Variants in GABRG3 observed in about 807,000 individuals in gnomAD.
The protein encoded by GABRG3 is gamma-aminobutyric acid receptor subunit gamma-3.
Under a neutral mutation model 48.8 loss-of-function variants are expected in GABRG3, and 25 were observed. The observed-to-expected ratio is 0.51, with a 90% confidence interval of 0.37 to 0.72. The LOEUF is 0.72. GABRG3 is among the 30% of genes least tolerant of loss of function. GABRG3 has a pLI of 0.00. For missense variants in GABRG3, 394 were observed against 577.9 expected, an observed-to-expected ratio of 0.68 and a Z score of 3.26; for synonymous variants, 227 against 217.6, an observed-to-expected ratio of 1.04 and a Z score of -0.38.
intron 5 of GABRG3, among the ~76,000 whole-genome samples, chr15:27,472,156 T>G (rs1415310675): frequency 6.6e-6 from 1 of 152,160 alleles, no homozygotes; most frequent in East Asian, 1.9e-4. Context: ...TCTCATAGGA[T>G]TTGAATGTTT....
At chr15:26,982,323 G>A (rs775719480) in intron 2 of GABRG3, among the ~76,000 whole-genome samples, 1 of 152,178 alleles carries the variant, frequency 6.6e-6, no homozygotes, top group Non-Finnish European at 1.5e-5. Context: ...GGAAGTTCAT[G>A]TATCCTGTGG....
At chr15:26,981,403 G>A (rs1895051981) in intron 2 of GABRG3, among the ~76,000 whole-genome samples, 1 of 152,152 alleles carries the variant, frequency 6.6e-6, no homozygotes, top group South Asian at 2.1e-4. Flanking sequence ...ATATGTTAAT[G>A]TTTGATTTAC....
At chr15:27,282,198 G>C (rs1312938177) in intron 3 of GABRG3, among the ~76,000 whole-genome samples, 1 of 152,130 alleles carries the variant, frequency 6.6e-6, no homozygotes, top group African/African-American at 2.4e-5. Flanking sequence ...TCTTGGTATG[G>C]ATTACTTTGG....
chr15:27,367,348 A>G lies in GABRG3; in HGVS notation c.574+38460A>G, dbSNP rs77286699. 4.6e-3 allele frequency among the ~76,000 whole-genome samples: 704 copies of G among 152,354 alleles called. 11 individuals are homozygous for G. The highest frequency in any genetic ancestry group is 0.016 in the African/African-American group (662 of 41,580). On this transcript the variant is annotated intron_variant, in intron 5 of 9. Transcript: ENST00000615808. ...CCTCTTGACCTATCCTGGATGGACC[A>G]AAGTCATAATAAAAGAAACCAGCCT...
At chr15:27,145,150 A>G (rs886504913) in intron 3 of GABRG3, among the ~76,000 whole-genome samples, 22 of 152,032 alleles carry the variant, frequency 1.4e-4, no homozygotes, top group Admixed American at 1.2e-3. Context: ...ACAGGGAAAA[A>G]TAAGGAATGA....
At chr15:27,303,879 GCATAATA>G (rs1203595598) in intron 3 of GABRG3, among the ~76,000 whole-genome samples, 1 of 150,982 alleles carries the variant, frequency 6.6e-6, no homozygotes, top group African/African-American at 2.4e-5. Flanking sequence ...TATATAAAAA[GCATAATA>G]CAAAGCACCA....
At chr15:27,308,641 CAT>C (rs1224983257) in intron 3 of GABRG3, among the ~76,000 whole-genome samples, 9 of 148,444 alleles carry the variant, frequency 6.1e-5, no homozygotes, top group African/African-American at 1.2e-4. Flanking sequence ...ATAATGTAAA[CAT>C]ACGCTTATGT....
rs549895028 is a variant in GABRG3 at position 27,352,622 on chromosome 15, G to A, written c.574+23734G>A. 3.3e-5 allele frequency among the ~76,000 whole-genome samples: 5 copies of A among 152,184 alleles called. No individual in the cohort carries two copies. In the South Asian group the frequency reaches 6.2e-4, roughly 19 times the overall value. On this transcript the variant is annotated intron_variant, in intron 5 of 9. Transcript: ENST00000615808. The surrounding 1 kb of genome is among the most constrained non-coding windows in gnomAD (Gnocchi z 4.0). ...CGCTCACACCACCCCACACTGCCCC[G>A]GGGAGGCAGGCCAAGGAAGCCCCCT...
At chr15:27,377,514 G>C (rs936261066) in intron 5 of GABRG3, among the ~76,000 whole-genome samples, 1 of 152,194 alleles carries the variant, frequency 6.6e-6, no homozygotes, top group Non-Finnish European at 1.5e-5. Flanking sequence ...ACGGTAAAAG[G>C]CATGTCTCTT....
chr15:27,461,282 C>CT (rs926498612), intron 5 of GABRG3, among the ~76,000 whole-genome samples: 31 of 151,514 alleles, frequency 2.0e-4, no homozygotes, highest in Middle Eastern at 3.4e-3. Context: ...ATTTTTATTA[C>CT]TTTTTTTTTG....
chr15:27,377,662 G>A (rs1196400947), intron 5 of GABRG3, among the ~76,000 whole-genome samples: 2 of 152,098 alleles, frequency 1.3e-5, no homozygotes, highest in Non-Finnish European at 2.9e-5. Flanking sequence ...CTCCCACTGG[G>A]TCCCTCCTAC....
chr15:27,438,019 C>T lies in GABRG3; in HGVS notation c.575-42631C>T, dbSNP rs145671877. ...AGACATTCATGAGGGATCCATCCCA[C>T]AACCCAAACGCCTTCCAGCAGGCCC... On this transcript the variant is annotated intron_variant, in intron 5 of 9. Coordinates refer to ENST00000615808, the MANE Select transcript of GABRG3 (RefSeq NM_033223.5). Among the ~76,000 whole-genome samples, 676 of 152,322 alleles carry T rather than the reference C, an allele frequency of 4.4e-3. 7 individuals carry two copies. The highest frequency in any genetic ancestry group is 0.015 in the African/African-American group (628 of 41,584).
intron 5 of GABRG3, among the ~76,000 whole-genome samples, chr15:27,401,929 C>T (rs537113678): frequency 3.3e-5 from 5 of 150,200 alleles, no homozygotes; most frequent in Non-Finnish European, 7.4e-5. Context: ...TGTGTCTGCC[C>T]TAATGCAGAC....
chr15:27,075,322 C>T (rs987654380), intron 3 of GABRG3, among the ~76,000 whole-genome samples: 13 of 152,122 alleles, frequency 8.5e-5, no homozygotes, highest in African/African-American at 2.9e-4. Context: ...CAAATGATTA[C>T]GTGTGGAGGC....
chr15:27,115,399 G>A (rs1897623473), intron 3 of GABRG3, among the ~76,000 whole-genome samples: 1 of 152,188 alleles, frequency 6.6e-6, no homozygotes, highest in South Asian at 2.1e-4. Context: ...CCAGGGAGCT[G>A]AGGGCGGAAT....
intron 5 of GABRG3, among the ~76,000 whole-genome samples, chr15:27,479,986 G>A (rs186271369): frequency 2.0e-5 from 3 of 152,330 alleles, no homozygotes; most frequent in African/African-American, 7.2e-5. Flanking sequence ...GAGCCAGGGA[G>A]CCCTGGTGAC....
chr15:27,257,199 A>AT (rs34394194), intron 3 of GABRG3, among the ~76,000 whole-genome samples: 11,010 of 147,124 alleles, frequency 0.075, 514 homozygotes, highest in South Asian at 0.13. Flanking sequence ...CCTGTTGGCC[A>AT]TTTTTTTTTT....
chr15:27,226,878 G>T (rs374650165), intron 3 of GABRG3, among the ~76,000 whole-genome samples: 1 of 152,170 alleles, frequency 6.6e-6, no homozygotes, highest in Non-Finnish European at 1.5e-5. Flanking sequence ...GAGGGACTTG[G>T]CCTAGGATAC....
intron 5 of GABRG3, chr15:27,428,089 A>C (rs1461996059): frequency 1.3e-5 from 2 of 153,000 alleles, no homozygotes; most frequent in East Asian, 1.9e-4. Context: ...GAGTCTTGCT[A>C]TGTTGCCCAG....
Sources: gnomAD v4.1 joint callset for allele counts (sites outside exome capture counted in the v4.1 genomes callset) on GRCh38, gnomAD v4.1.1 for gene constraint, Gnocchi (gnomAD v3.1) non-coding constraint, MANE v1.5 for transcripts, NCBI Gene and HGNC (gene_info 2026-07-23, HGNC 2026-07-21) for gene names.